MLXIP: variants seen among roughly 807,000 people sequenced by gnomAD.
MLXIP encodes the protein MLX interacting protein.
A neutral mutation model predicts 87.2 loss-of-function variants in MLXIP; 30 were observed. That is an observed-to-expected ratio of 0.34 (90% CI 0.26 to 0.47). MLXIP has a LOEUF of 0.47. Ranked by LOEUF, MLXIP falls within the 20% of genes least tolerant of loss-of-function variation. The pLI is 1.00. For missense variants in MLXIP, 1,002 were observed against 1,240.1 expected, an observed-to-expected ratio of 0.81 and a Z score of 2.88; for synonymous variants, 530 against 514.0, an observed-to-expected ratio of 1.03 and a Z score of -0.42.
Position 122,138,296 on chromosome 12 carries a change from G to T in MLXIP, c.2256+1G>T. The T allele has an allele frequency of 6.2e-7, 1 of 1,613,826 alleles. No individual in the cohort carries two copies. The highest frequency in any genetic ancestry group is 8.5e-7 in the Non-Finnish European group (1 of 1,179,822). On this transcript the variant is annotated splice_donor_variant, in intron 13 of 16. Coordinates refer to ENST00000319080, the MANE Select transcript of MLXIP (RefSeq NM_014938.6). LOFTEE classifies it high-confidence loss of function. ...CCTCATCTCCAACAATTCCAAGCTG[G>T]TGAGTTGCCAAGAGCGTGGGCTGTG...
chr12:122,107,042 G>A (rs762359017), intron 1 of MLXIP, among the ~76,000 whole-genome samples: 6 of 152,176 alleles, frequency 3.9e-5, no homozygotes, highest in South Asian at 2.1e-4. Context: ...GGGGTTCAAC[G>A]TCACCAGCCC....
chr12:122,139,689 CT>C (rs1457034213), intron 15 of MLXIP, among the ~76,000 whole-genome samples: 3 of 152,278 alleles, frequency 2.0e-5, no homozygotes, highest in African/African-American at 2.4e-5. Flanking sequence ...TTTTTTCCCC[CT>C]GAGACAGGGT....
chr12:122,111,588 G>A (rs957243938), intron 1 of MLXIP, among the ~76,000 whole-genome samples: 2 of 152,204 alleles, frequency 1.3e-5, no homozygotes, highest in African/African-American at 4.8e-5. Flanking sequence ...TTTGGTCAGG[G>A]TGAGGGTGGC....
chr12:122,109,469 C>T (rs1180958782), intron 1 of MLXIP, among the ~76,000 whole-genome samples: 3 of 152,226 alleles, frequency 2.0e-5, no homozygotes, highest in Admixed American at 1.3e-4. Flanking sequence ...CAGGTGTGAG[C>T]CACCGTGCCT....
intron 1 of MLXIP, among the ~76,000 whole-genome samples, chr12:122,082,974 C>G (rs932996352): frequency 6.6e-6 from 1 of 152,196 alleles, no homozygotes; most frequent in Non-Finnish European, 1.5e-5. Context: ...GCACGCACTA[C>G]TATGCCTGGC....
At chr12:122,096,228 C>T (rs1374476165) in intron 1 of MLXIP, among the ~76,000 whole-genome samples, 2 of 152,178 alleles carry the variant, frequency 1.3e-5, no homozygotes, top group Non-Finnish European at 2.9e-5. Flanking sequence ...CAGGTGTGCA[C>T]CGCCACACCC....
At chr12:122,139,027 C>T in intron 15 of MLXIP, 89 bp downstream of exon 15, 1 of 1,552,188 alleles carries the variant, frequency 6.4e-7, no homozygotes. Context: ...TTTAGAAAGA[C>T]TCTTTAAATG....
At chr12:122,116,852 C>T (rs370770046) in intron 1 of MLXIP, among the ~76,000 whole-genome samples, 2 of 152,260 alleles carry the variant, frequency 1.3e-5, no homozygotes, top group South Asian at 2.1e-4. Flanking sequence ...GCCTGGGTGA[C>T]GAGGCCAGAA....
chr12:122,105,018 G>A (rs768784501), intron 1 of MLXIP, among the ~76,000 whole-genome samples: 23 of 152,084 alleles, frequency 1.5e-4, no homozygotes, highest in Non-Finnish European at 2.2e-4. Context: ...CTTGCTCCCC[G>A]TGTTTCCTCT....
chr12:122,089,911 T>C (rs965306382), intron 1 of MLXIP, among the ~76,000 whole-genome samples: 1 of 152,096 alleles, frequency 6.6e-6, no homozygotes, highest in Non-Finnish European at 1.5e-5. Context: ...AAGAAGGAAA[T>C]GGCTGTGAGG....
In MLXIP at chr12:122,133,970, A is replaced by G. The variant is rs376547760; in HGVS notation, c.1715A>G (p.Asn572Ser). The stretch of plus-strand genomic sequence containing the variant: ...GAGCCCGTGTCCTTGGTGTTGAAGA[A>G]TGCCCGTATCGCCCCAGGTGAGCCA... ...KPEPVSLVLK[N>S]ARIAPAAFSG... is the part of the protein sequence containing the mutation. The change falls in exon 9 of 17, where the codon AAT (asparagine) becomes AGT (serine). Residue 572 changes from asparagine to serine, a missense_variant. Coordinates refer to ENST00000319080, the MANE Select transcript of MLXIP (RefSeq NM_014938.6). This position sits in a 1 kb window ranked among gnomAD's most constrained non-coding sequence, Gnocchi z 4.9. The G allele has an allele frequency of 3.1e-6, 5 of 1,601,800 alleles. No homozygotes were observed. The highest frequency in any genetic ancestry group is 2.7e-5 in the African/African-American group (2 of 74,816).
In MLXIP at chr12:122,079,014, C is replaced by G. The variant is rs1443268008; in HGVS notation, c.161C>G (p.Ala54Gly). 7.8e-6 allele frequency: 10 copies of G among 1,282,872 alleles called. No homozygotes were observed. The African/African-American group carries it at 1.5e-4, about 19-fold the overall frequency. The allele number at this position is 1,282,872 out of a possible 1,614,324, so 79.5% of individuals were successfully genotyped here. The change falls in exon 1 of 17, where the codon GCG becomes GGG. Residue 54 changes from alanine (A) to glycine (G), a missense_variant. This residue lies in a region of MLXIP where 129 missense variants were observed against 104.2 expected (regional missense o/e 1.24). Coordinates refer to ENST00000319080, the MANE Select transcript of MLXIP (RefSeq NM_014938.6). ...SGAATPARAH[A>G]SAAPPPPRAG... is the part of the protein sequence containing the mutation. ...GCGGCCACCCCGGCCCGGGCCCACGCGAGCGCCGCGCCACCGCCGCCTCGG... is the reference window on the plus strand; with the variant it reads ...GCGGCCACCCCGGCCCGGGCCCACGGGAGCGCCGCGCCACCGCCGCCTCGG...
chr12:122,137,709 G>A lies in MLXIP; in HGVS notation c.2154+119G>A, dbSNP rs1445783981. The A allele has an allele frequency of 6.7e-7, 1 of 1,482,720 alleles. No homozygotes were observed. The highest frequency in any genetic ancestry group is 9.1e-7 in the Non-Finnish European group (1 of 1,094,898). 91.8% of individuals were successfully genotyped at this position (1,482,720 alleles called of 1,614,324 possible). ...CCCAGCCAGAGCTGCCCAGGCAGGG[G>A]TGGATCAGAAATGGGCTTCTCCTTG... is the stretch of plus-strand genomic sequence containing the variant. On this transcript the variant is annotated intron_variant, in intron 12 of 16. Transcript: ENST00000319080. This position sits in a 1 kb window ranked among gnomAD's most constrained non-coding sequence, Gnocchi z 4.1.
Position 122,146,973 on chromosome 12 carries a change from G to T in MLXIP, c.*5161G>T, listed in dbSNP as rs192163605. On this transcript the variant is annotated 3_prime_UTR_variant, in exon 17 of 17. Coordinates refer to ENST00000319080, the MANE Select transcript of MLXIP (RefSeq NM_014938.6). ...CCACAGTGCCCCCTTTTCTCTAGCC[G>T]AATCTTTTTCGAACAGCCCGGGAAA... The T allele has an allele frequency of 6.6e-6, 1 of 152,198 alleles. No homozygotes were observed. The highest frequency in any genetic ancestry group is 6.5e-5 in the Admixed American group (1 of 15,276). 9.4% of individuals were successfully genotyped at this position (152,198 alleles called of 1,614,324 possible).
chr12:122,092,834 CTT>C (rs1952266492), intron 1 of MLXIP, among the ~76,000 whole-genome samples: 3 of 152,110 alleles, frequency 2.0e-5, no homozygotes, highest in African/African-American at 7.2e-5. Context: ...TGTCTTGACT[CTT>C]GTTTAGTTTC....
chr12:122,140,739 G>A (rs1205419352), intron 15 of MLXIP: 2 of 706,748 alleles, frequency 2.8e-6, no homozygotes, highest in African/African-American at 3.5e-5. Context: ...TGCTTGAGCG[G>A]CCCTGTTGTC....
intron 1 of MLXIP, among the ~76,000 whole-genome samples, chr12:122,115,769 A>G (rs1297226391): frequency 6.6e-6 from 1 of 152,014 alleles, no homozygotes; most frequent in African/African-American, 2.4e-5. Context: ...AGCAAGGGAA[A>G]CAATGGCTGA....
chr12:122,089,105 C>G (rs1952210948), intron 1 of MLXIP, among the ~76,000 whole-genome samples: 1 of 151,924 alleles, frequency 6.6e-6, no homozygotes, highest in Admixed American at 6.6e-5. Context: ...TCCCTTGAGC[C>G]CAGGAAGTGG....
intron 1 of MLXIP, among the ~76,000 whole-genome samples, chr12:122,118,594 TC>T (rs2135954081): frequency 6.6e-6 from 1 of 152,296 alleles, no homozygotes; most frequent in East Asian, 1.9e-4. Flanking sequence ...ACGCCTATAA[TC>T]CCAGCACTTT....
Sources: allele counts gnomAD v4.1 joint callset (sites outside exome capture counted in the v4.1 genomes callset), GRCh38; gene constraint gnomAD v4.1.1; regional missense constraint gnomAD v4.1.1; non-coding constraint Gnocchi (gnomAD v3.1); transcripts MANE v1.5; gene names NCBI Gene and HGNC (gene_info 2026-07-23, HGNC 2026-07-21).